Variants in ZNF454 observed in about 807,000 individuals in gnomAD.
ZNF454 encodes the protein zinc finger protein 454.
ZNF454 carries 30 observed loss-of-function variants against 48.2 expected under a neutral mutation model. That is an observed-to-expected ratio of 0.62 (90% CI 0.47 to 0.84). The LOEUF is 0.84. Among genes scored for constraint, ZNF454 ranks in the 40% least tolerant of loss-of-function variants. The pLI is 0.00. For synonymous variants in ZNF454, 204 were observed against 211.4 expected, an observed-to-expected ratio of 0.97 and a Z score of 0.30; for missense variants, 510 against 623.1, an observed-to-expected ratio of 0.82 and a Z score of 1.93.
the ZNF454 span, chr5:178,980,559 G>A: frequency 6.5e-6 from 1 of 154,180 alleles, no homozygotes; most frequent in Non-Finnish European, 1.5e-5. This position sits in a 1 kb window ranked among gnomAD's most constrained non-coding sequence, Gnocchi z 4.3. Flanking sequence ...ATGCACCCCT[G>A]CTCCTTGTTC....
At chr5:178,975,081 G>A in the ZNF454 span, among the ~76,000 whole-genome samples, 1 of 152,172 alleles carries the variant, frequency 6.6e-6, no homozygotes, top group Non-Finnish European at 1.5e-5. Flanking sequence ...GCCATGGCAG[G>A]CCGATCACCT....
At chr5:178,989,537 A>ATGGCCAGGTGAGCTAGGAG in the ZNF454 span, 3 of 1,124,058 alleles carry the variant, frequency 2.7e-6, no homozygotes, top group Non-Finnish European at 2.7e-6. Flanking sequence ...TGAACTAGGC[A>ATGGCCAGGTGAGCTAGGAG]TGGCCAGGTG....
At chr5:178,962,611 T>C (rs1194683987) in intron 4 of ZNF454, among the ~76,000 whole-genome samples, 2 of 151,820 alleles carry the variant, frequency 1.3e-5, no homozygotes, top group Non-Finnish European at 1.5e-5. Flanking sequence ...TAATTCTCAT[T>C]CCTGTTTCCT....
At chr5:178,980,331 G>A in the ZNF454 span, 1 of 154,344 alleles carries the variant, frequency 6.5e-6, no homozygotes, top group African/African-American at 2.4e-5. This position sits in a 1 kb window ranked among gnomAD's most constrained non-coding sequence, Gnocchi z 4.3. Flanking sequence ...AACTATCAGT[G>A]AAAAACAAAT....
rs2113194351 is a variant in ZNF454 at position 178,946,961 on chromosome 5, G to C, written c.225G>C (p.Glu75Asp). The C allele has an allele frequency of 6.2e-7, 1 of 1,614,102 alleles. No homozygotes were observed. The highest frequency in any genetic ancestry group is 8.5e-7 in the Non-Finnish European group (1 of 1,180,002). Residue 75 changes from glutamate to aspartate, a missense_variant, in exon 4 of 5, where the codon GAG (glutamate) becomes GAC (aspartate). Glu to Asp is a conservative substitution (Grantham distance 45). This residue lies in a region of ZNF454 where 354 missense variants were observed against 408.9 expected (regional missense o/e 0.87). Coordinates refer to ENST00000519564, the MANE Select transcript of ZNF454 (RefSeq NM_001178089.3). This position sits in a 1 kb window ranked among gnomAD's most constrained non-coding sequence, Gnocchi z 4.5. ...AAAAAAGGGAAGTGTGGATGCCAGA[G>C]GACACCCCTGGAGGCTTCTGTCTTG... ...QLEKREVWMP[E>D]DTPGGFCLDW...
intron 4 of ZNF454, among the ~76,000 whole-genome samples, chr5:178,950,202 A>C (rs1314700597): frequency 6.6e-6 from 1 of 152,226 alleles, no homozygotes; most frequent in Non-Finnish European, 1.5e-5. Context: ...AATATGAAAA[A>C]GTCCTTGGTA....
At chr5:178,949,789 G>T (rs1013466123) in intron 4 of ZNF454, among the ~76,000 whole-genome samples, 18 of 151,994 alleles carry the variant, frequency 1.2e-4, no homozygotes, top group Non-Finnish European at 2.1e-4. Context: ...GCTAATTTTT[G>T]TATTTTTAGT....
chr5:178,985,628 G>A, the ZNF454 span: 540 of 370,270 alleles, frequency 1.5e-3, 2 homozygotes, highest in Non-Finnish European at 2.1e-3. Flanking sequence ...GCGTGAACCC[G>A]GAAGGCAGAG....
chr5:178,965,345 A>G lies in ZNF454; in HGVS notation c.941A>G (p.His314Arg), dbSNP rs780796414. 6.2e-7 allele frequency: 1 copy of G among 1,614,208 alleles called. No homozygotes were observed. Among genetic ancestry groups the G allele is most frequent in the Non-Finnish European group, 8.5e-7 (1 of 1,180,034 alleles). ...ICEKAFVCRA[H>R]LTKHQNIHSG... ...GAAAAAGCCTTTGTGTGCAGGGCAC[A>G]CCTTACCAAACACCAGAATATCCAC... Residue 314 changes from histidine (H) to arginine (R), a missense_variant, in exon 5 of 5, where the codon CAC (histidine) becomes CGC (arginine). Coordinates refer to ENST00000519564, the MANE Select transcript of ZNF454 (RefSeq NM_001178089.3). The surrounding 1 kb of genome is among the most constrained non-coding windows in gnomAD (Gnocchi z 5.2).
the ZNF454 span, chr5:178,981,552 C>G: frequency 1.1e-6 from 1 of 885,854 alleles, no homozygotes; most frequent in Non-Finnish European, 1.8e-6. This position sits in a 1 kb window ranked among gnomAD's most constrained non-coding sequence, Gnocchi z 5.1. Flanking sequence ...TGGCAAACTC[C>G]CTGCCACTGA....
chr5:178,957,823 G>T (rs868861784), intron 4 of ZNF454, among the ~76,000 whole-genome samples: 1 of 152,180 alleles, frequency 6.6e-6, no homozygotes, highest in African/African-American at 2.4e-5. Context: ...TTTCAGTGTG[G>T]TCAAACCGGG....
chr5:178,983,556 T>G, the ZNF454 span: 1 of 495,766 alleles, frequency 2.0e-6, no homozygotes. Flanking sequence ...CAATGCCATT[T>G]ACTGCGCCCC....
At chr5:178,986,045 T>A in the ZNF454 span, 54 of 1,269,772 alleles carry the variant, frequency 4.3e-5, no homozygotes, top group Non-Finnish European at 2.2e-6. Context: ...TACAGGCGTG[T>A]GCCACTGTGC....
chr5:178,969,032 G>T (rs1247210346), downstream of ZNF454: 1 of 369,300 alleles, frequency 2.7e-6, no homozygotes, highest in East Asian at 7.3e-5. Flanking sequence ...TCCCTGTCTG[G>T]AAAGGCAAAA....
At chr5:178,973,050 G>A in the ZNF454 span, among the ~76,000 whole-genome samples, 21 of 149,670 alleles carry the variant, frequency 1.4e-4, no homozygotes, top group Non-Finnish European at 2.1e-4. Context: ...CAGCAGATCC[G>A]GCTGCAGTTC....
At chr5:178,943,088 C>T (rs983294431) in intron 2 of ZNF454, among the ~76,000 whole-genome samples, 3 of 152,206 alleles carry the variant, frequency 2.0e-5, no homozygotes, top group Non-Finnish European at 4.4e-5. Flanking sequence ...AACCTGTACT[C>T]TTTTCACTAG....
intron 4 of ZNF454, among the ~76,000 whole-genome samples, chr5:178,953,322 C>T (rs1480179896): frequency 6.6e-6 from 1 of 152,026 alleles, no homozygotes; most frequent in Admixed American, 6.6e-5. Context: ...AAATTATGAC[C>T]ACTTTTGCTT....
At position 178,941,545 on chromosome 5, in the gene ZNF454, G is replaced by A. The variant is rs1759089691; in HGVS notation, c.-108+101G>A. 2 of 455,652 alleles carry A rather than the reference G, an allele frequency of 4.4e-6. No individual in the cohort carries two copies. The highest frequency in any genetic ancestry group is 1.6e-5 in the South Asian group (1 of 64,428). 28.2% of individuals were successfully genotyped at this position (455,652 alleles called of 1,614,324 possible). A position where few individuals can be genotyped will look rare whatever the true frequency, so the allele number is the denominator to read the frequency against. ...GTGCCTGTGGAGGAGATGGAGCCAG[G>A]GCCTCTGGCATGTGTCTTGGAGCGG... On this transcript the variant is annotated intron_variant, in intron 1 of 4. Transcript: ENST00000519564. The surrounding 1 kb of genome is among the most constrained non-coding windows in gnomAD (Gnocchi z 5.5).
At chr5:178,979,844 CAGG>C in the ZNF454 span, 4 of 154,290 alleles carry the variant, frequency 2.6e-5, no homozygotes, top group East Asian at 7.7e-4. Flanking sequence ...AGAGTTCATA[CAGG>C]AGAAGAGCCC....
Sources: allele counts gnomAD v4.1 joint callset (sites outside exome capture counted in the v4.1 genomes callset), GRCh38; gene constraint gnomAD v4.1.1; regional missense constraint gnomAD v4.1.1; non-coding constraint Gnocchi (gnomAD v3.1); transcripts MANE v1.5; gene names NCBI Gene and HGNC (gene_info 2026-07-23, HGNC 2026-07-21).